Variants in LINC00632 observed in about 807,000 individuals in gnomAD.
The protein encoded by LINC00632 is ALDOA related specific transcript.
At chrX:140,737,873 G>T (rs1184040237) in intron 3 of LINC00632, among the ~76,000 whole-genome samples, 1 of 111,946 alleles carries the variant, frequency 8.9e-6, no homozygotes, top group Non-Finnish European at 1.9e-5. Context: ...TTCATCTGTG[G>T]ATGGACACTT....
chrX:140,766,117 G>A (rs189591140), intron 3 of LINC00632, among the ~76,000 whole-genome samples: 1 of 111,800 alleles, frequency 8.9e-6, no homozygotes, highest in East Asian at 2.8e-4. Context: ...TGGGCAGAAC[G>A]GTCATTGTCG....
chrX:140,757,058 G>A (rs5907630), intron 3 of LINC00632, among the ~76,000 whole-genome samples: 31,070 of 110,120 alleles, frequency 0.28, 3,477 homozygotes, highest in Non-Finnish European at 0.35. Flanking sequence ...AAGGAAGAAC[G>A]TTTTTGACAA....
chrX:140,724,379 GTCCATGCACACACACAA>G (rs1930864907), intron 2 of LINC00632, among the ~76,000 whole-genome samples: 1 of 7,848 alleles, frequency 1.3e-4, no homozygotes, highest in African/African-American at 5.2e-4. Flanking sequence ...CACACACACA[GTCCATGCACACACACAA>G]ACACATTCCA....
chrX:140,740,818 G>A (rs1242230085), intron 3 of LINC00632, among the ~76,000 whole-genome samples: 1 of 111,941 alleles, frequency 8.9e-6, no homozygotes, highest in African/African-American at 3.2e-5. Flanking sequence ...CAATTATGTA[G>A]CTGATTCCAT....
At chrX:140,771,047 G>A in intron 3 of LINC00632, among the ~76,000 whole-genome samples, 1 of 111,673 alleles carries the variant, frequency 9.0e-6, no homozygotes, top group Non-Finnish European at 1.9e-5. Context: ...ACTACTGGGA[G>A]AGAACTCCAG....
At chrX:140,723,630 TAC>T (rs1569348329) in intron 2 of LINC00632, among the ~76,000 whole-genome samples, 16 of 32,192 alleles carry the variant, frequency 5.0e-4, no homozygotes, top group East Asian at 1.1e-3. Context: ...ACACATTCCA[TAC>T]ACACACACAT....
chrX:140,740,318 A>C (rs1475409625), intron 3 of LINC00632, among the ~76,000 whole-genome samples: 1 of 111,845 alleles, frequency 8.9e-6, no homozygotes, highest in East Asian at 2.8e-4. Context: ...CCTTTTCTTG[A>C]CTGAAGGGTC....
chrX:140,716,668 A>G (rs1421433446), intron 2 of LINC00632, among the ~76,000 whole-genome samples: 2 of 109,305 alleles, frequency 1.8e-5, no homozygotes. Flanking sequence ...TTGCATCACT[A>G]GTAACAAATT....
At chrX:140,751,285 CTT>C (rs77749131) in intron 3 of LINC00632, among the ~76,000 whole-genome samples, 23,222 of 91,533 alleles carry the variant, frequency 0.25, 2,803 homozygotes, top group Non-Finnish European at 0.36. Context: ...ATGCCAACAT[CTT>C]TTTTTTTTTT....
intron 3 of LINC00632, among the ~76,000 whole-genome samples, chrX:140,736,096 A>G (rs1040521545): frequency 8.9e-6 from 1 of 111,739 alleles, no homozygotes; most frequent in African/African-American, 3.2e-5. Context: ...ATTATGGAGC[A>G]CCTTGTTAAA....
At chrX:140,784,385 G>A (rs771367293) in exon 5 of LINC00632, 44 of 1,203,939 alleles carry the variant, frequency 3.7e-5, no homozygotes, top group South Asian at 5.4e-5. Flanking sequence ...GAAAATCCAC[G>A]TCTTCCAGAA....
intron 3 of LINC00632, among the ~76,000 whole-genome samples, chrX:140,750,130 G>C (rs1357267122): frequency 2.7e-5 from 3 of 111,246 alleles, no homozygotes; most frequent in Admixed American, 9.6e-5. Flanking sequence ...CAACATGGAT[G>C]AACCTGGAGA....
At chrX:140,789,493 A>C (rs2148408042) in exon 5 of LINC00632, among the ~76,000 whole-genome samples, 1 of 111,734 alleles carries the variant, frequency 8.9e-6, no homozygotes, top group African/African-American at 3.2e-5. Context: ...TAATATAGAT[A>C]ATGATATATA....
chrX:140,724,666 T>C (rs1402242509), intron 2 of LINC00632, among the ~76,000 whole-genome samples: 1 of 69,858 alleles, frequency 1.4e-5, no homozygotes, highest in Non-Finnish European at 2.8e-5. Flanking sequence ...ACACGTTCCA[T>C]GCCCACACAT....
At chrX:140,779,777 C>T (rs1419755506) in exon 5 of LINC00632, among the ~76,000 whole-genome samples, 1 of 112,177 alleles carries the variant, frequency 8.9e-6, no homozygotes, top group Non-Finnish European at 1.9e-5. Context: ...ATTAACTCAT[C>T]TTTGCAAACA....
At chrX:140,777,454 T>C (rs1931888042) in exon 5 of LINC00632, among the ~76,000 whole-genome samples, 1 of 112,511 alleles carries the variant, frequency 8.9e-6, no homozygotes, top group Non-Finnish European at 1.9e-5. Flanking sequence ...ACGCTCTTGA[T>C]CTAAACCACA....
chrX:140,790,453 A>G (rs1429734530), exon 5 of LINC00632, among the ~76,000 whole-genome samples: 1 of 111,187 alleles, frequency 9.0e-6, no homozygotes, highest in Non-Finnish European at 1.9e-5. Context: ...CACTGCTTTA[A>G]TTACTGTAGC....
At chrX:140,759,882 AC>A (rs758809295) in intron 3 of LINC00632, among the ~76,000 whole-genome samples, 1 of 111,749 alleles carries the variant, frequency 8.9e-6, no homozygotes, top group Non-Finnish European at 1.9e-5. Context: ...AAACAAAATA[AC>A]CCAAGTGTCA....
chrX:140,762,477 A>T (rs1197864353), intron 3 of LINC00632, among the ~76,000 whole-genome samples: 1 of 112,415 alleles, frequency 8.9e-6, no homozygotes, highest in Non-Finnish European at 1.9e-5. Context: ...GAGAAAAATG[A>T]TAGCTAAACA....
Sources: allele counts gnomAD v4.1 joint callset (sites outside exome capture counted in the v4.1 genomes callset), GRCh38; gene constraint gnomAD v4.1.1; transcripts MANE v1.5; gene names NCBI Gene and HGNC (gene_info 2026-07-23, HGNC 2026-07-21).